Variants in L3MBTL4 observed in about 807,000 individuals in gnomAD.
The protein encoded by L3MBTL4 is lethal(3)malignant brain tumor-like protein 4.
In L3MBTL4, 70 loss-of-function variants were observed where a neutral mutation model predicts 84.5. The ratio of observed to expected loss-of-function variants is 0.83; its 90% CI spans 0.68 to 1.01. The LOEUF (loss-of-function observed/expected upper bound fraction) is 1.01. Among genes scored for constraint, L3MBTL4 ranks in the 50% least tolerant of loss-of-function variants. The pLI is 0.00. For synonymous variants in L3MBTL4, 274 were observed against 259.8 expected, an observed-to-expected ratio of 1.05 and a Z score of -0.52; for missense variants, 715 against 754.8, an observed-to-expected ratio of 0.95 and a Z score of 0.62.
chr18:6,349,413 A>T (rs930560069), intron 1 of L3MBTL4, among the ~76,000 whole-genome samples: 1 of 152,220 alleles, frequency 6.6e-6, no homozygotes, highest in Non-Finnish European at 1.5e-5. Flanking sequence ...CATTATGCTA[A>T]ACAAAAGAAG....
At chr18:6,084,571 A>G (rs1028101676) in intron 15 of L3MBTL4, among the ~76,000 whole-genome samples, 5 of 152,194 alleles carry the variant, frequency 3.3e-5, no homozygotes, top group African/African-American at 1.2e-4. Context: ...ATTTTTAGGC[A>G]AATTCTCCAA....
At chr18:6,038,415 G>C (rs199559531) in intron 16 of L3MBTL4, among the ~76,000 whole-genome samples, 1 of 151,848 alleles carries the variant, frequency 6.6e-6, no homozygotes, top group Non-Finnish European at 1.5e-5. Context: ...CACCGCGACC[G>C]GTTAACTTTT....
At chr18:6,294,719 C>G (rs553681573) in intron 4 of L3MBTL4, among the ~76,000 whole-genome samples, 1 of 120,180 alleles carries the variant, frequency 8.3e-6, no homozygotes, top group Non-Finnish European at 1.9e-5. Context: ...TCAATCAAAA[C>G]AAAACAAAAC....
chr18:6,104,178 C>T (rs1484813986), intron 14 of L3MBTL4, among the ~76,000 whole-genome samples: 2 of 139,918 alleles, frequency 1.4e-5, no homozygotes, highest in Non-Finnish European at 3.2e-5. Flanking sequence ...ATAGAGGTTC[C>T]TAAAAAAATT....
chr18:6,151,127 G>T (rs1465265763), intron 13 of L3MBTL4, among the ~76,000 whole-genome samples: 6 of 152,256 alleles, frequency 3.9e-5, no homozygotes, highest in Non-Finnish European at 5.9e-5. Context: ...GAAGCTTCCA[G>T]ATCCCACAAA....
At chr18:6,407,023 C>T (rs140352685) in intron 1 of L3MBTL4, among the ~76,000 whole-genome samples, 106 of 152,306 alleles carry the variant, frequency 7.0e-4, no homozygotes, top group Middle Eastern at 3.4e-3. Flanking sequence ...TGTAACTGTA[C>T]CCTTCACAGC....
chr18:6,300,563 A>G (rs746589609), intron 4 of L3MBTL4, among the ~76,000 whole-genome samples: 3 of 152,232 alleles, frequency 2.0e-5, no homozygotes, highest in Non-Finnish European at 2.9e-5. Flanking sequence ...TGAGATAAAT[A>G]TATACCTGGA....
At chr18:6,149,382 C>G (rs911378100) in intron 13 of L3MBTL4, among the ~76,000 whole-genome samples, 2 of 151,286 alleles carry the variant, frequency 1.3e-5, no homozygotes, top group African/African-American at 4.9e-5. Flanking sequence ...ATGAACTCAT[C>G]ATTTTTTATG....
chr18:6,310,255 T>G (rs909195861), intron 3 of L3MBTL4, among the ~76,000 whole-genome samples: 1 of 152,196 alleles, frequency 6.6e-6, no homozygotes, highest in African/African-American at 2.4e-5. Context: ...CCAAGTCTGG[T>G]CCAAGACACC....
intron 10 of L3MBTL4, among the ~76,000 whole-genome samples, chr18:6,220,166 C>CA (rs1479450230): frequency 2.6e-5 from 4 of 151,846 alleles, no homozygotes; most frequent in Non-Finnish European, 1.5e-5. Context: ...AATATGGAAG[C>CA]AAAAAAGGAA....
rs1208269697 is a variant in L3MBTL4 at position 6,414,734 on chromosome 18, C to A, written c.-91+67G>T. ...TGCCCGGGGATGGGGCCACCCCGCG[C>A]GGCGGCGGCCGTGGGCACCCACGCG... On this transcript the variant is annotated intron_variant, in intron 1 of 18. Transcript: ENST00000317931. This position sits in a 1 kb window ranked among gnomAD's most constrained non-coding sequence, Gnocchi z 5.4. 3 of 151,868 alleles carry A rather than the reference C, an allele frequency of 2.0e-5. No homozygotes were observed. Among genetic ancestry groups the A allele is most frequent in the African/African-American group, 4.8e-5 (2 of 41,402 alleles). 9.4% of individuals were successfully genotyped at this position (151,868 alleles called of 1,614,324 possible). A position where few individuals can be genotyped will look rare whatever the true frequency, so the allele number is the denominator to read the frequency against.
chr18:6,366,480 C>G (rs1406736340), intron 1 of L3MBTL4, among the ~76,000 whole-genome samples: 1 of 151,990 alleles, frequency 6.6e-6, no homozygotes, highest in Non-Finnish European at 1.5e-5. Flanking sequence ...CAGAAAAGTT[C>G]GTGTTTTTAA....
At chr18:6,047,290 T>C (rs996555756) in intron 16 of L3MBTL4, among the ~76,000 whole-genome samples, 3 of 152,124 alleles carry the variant, frequency 2.0e-5, no homozygotes, top group Non-Finnish European at 4.4e-5. Context: ...CTGGAGCAGA[T>C]GGATTCACAG....
At chr18:6,174,205 G>A (rs2044115634) in intron 12 of L3MBTL4, among the ~76,000 whole-genome samples, 1 of 149,830 alleles carries the variant, frequency 6.7e-6, no homozygotes, top group African/African-American at 2.5e-5. Flanking sequence ...ACATACAAAA[G>A]TTTATTAAAC....
intron 5 of L3MBTL4, among the ~76,000 whole-genome samples, chr18:6,247,829 T>A (rs544001608): frequency 3.8e-4 from 58 of 151,894 alleles, no homozygotes; most frequent in African/African-American, 1.4e-3. Flanking sequence ...GTCTGATGCT[T>A]CCTCAAGATT....
chr18:6,140,443 A>C (rs975841248), intron 13 of L3MBTL4, among the ~76,000 whole-genome samples: 4 of 152,162 alleles, frequency 2.6e-5, no homozygotes, highest in African/African-American at 4.8e-5. Context: ...CCTGGGAAAA[A>C]AATGCACATT....
At chr18:6,168,301 T>G (rs532748826) in intron 13 of L3MBTL4, among the ~76,000 whole-genome samples, 26 of 152,342 alleles carry the variant, frequency 1.7e-4, no homozygotes, top group African/African-American at 6.0e-4. Flanking sequence ...ACCAATGACC[T>G]TCTTCACAAA....
chr18:6,382,525 G>A (rs1378605258), intron 1 of L3MBTL4, among the ~76,000 whole-genome samples: 1 of 152,018 alleles, frequency 6.6e-6, no homozygotes, highest in Non-Finnish European at 1.5e-5. Flanking sequence ...GAGTGGACGT[G>A]CTATTCCTTT....
At chr18:6,389,461 G>C (rs1040052513) in intron 1 of L3MBTL4, among the ~76,000 whole-genome samples, 2 of 151,848 alleles carry the variant, frequency 1.3e-5, no homozygotes, top group Admixed American at 1.3e-4. Flanking sequence ...TATTAACAAG[G>C]AACATAAATT....
Sources: gnomAD v4.1 joint callset for allele counts (sites outside exome capture counted in the v4.1 genomes callset) on GRCh38, gnomAD v4.1.1 for gene constraint, Gnocchi (gnomAD v3.1) non-coding constraint, MANE v1.5 for transcripts, NCBI Gene and HGNC (gene_info 2026-07-23, HGNC 2026-07-21) for gene names.